The following BCKDHB variants were observed in gnomAD, a reference collection of about 807,000 sequenced individuals.
BCKDHB encodes 2-oxoisovalerate dehydrogenase subunit beta, mitochondrial.
BCKDHB carries 41 observed loss-of-function variants against 48.5 expected under a neutral mutation model. The ratio of observed to expected loss-of-function variants is 0.85; its 90% CI spans 0.66 to 1.10. The LOEUF (loss-of-function observed/expected upper bound fraction) is 1.10. Ranked by LOEUF, BCKDHB falls within the 50% of genes least tolerant of loss-of-function variation. The probability of loss-of-function intolerance (pLI) is 0.00; values close to 1 mark genes in which losing one functional copy is unlikely to be tolerated. For synonymous variants in BCKDHB, 201 were observed against 174.8 expected (o/e 1.15, Z -1.18); for missense variants, 496 against 494.2 (o/e 1.00, Z -0.03).
chr6:80,264,284 A>G (rs968168156), intron 8 of BCKDHB, among the ~76,000 whole-genome samples: 1 of 152,202 alleles, frequency 6.6e-6, no homozygotes, highest in African/African-American at 2.4e-5. Flanking sequence ...TTGTTTTAAT[A>G]TGAACTGATG....
intron 9 of BCKDHB, among the ~76,000 whole-genome samples, chr6:80,289,316 C>T (rs1766792102): frequency 6.6e-6 from 1 of 151,886 alleles, no homozygotes; most frequent in Non-Finnish European, 1.5e-5. Context: ...TGAACTTCTC[C>T]CTTCTTTGAA....
chr6:80,198,934 G>A (rs1296885110), intron 6 of BCKDHB, among the ~76,000 whole-genome samples: 1 of 152,130 alleles, frequency 6.6e-6, no homozygotes, highest in African/African-American at 2.4e-5. Flanking sequence ...CCAAATAACT[G>A]GTTCTGCAAA....
the BCKDHB span, among the ~76,000 whole-genome samples, chr6:80,393,604 C>T: frequency 6.6e-6 from 1 of 152,184 alleles, no homozygotes; most frequent in Non-Finnish European, 1.5e-5. Context: ...TATAAGTTAT[C>T]CAGTCTAACT....
At chr6:80,227,329 A>AC (rs1470681496) in intron 8 of BCKDHB, among the ~76,000 whole-genome samples, 1 of 152,096 alleles carries the variant, frequency 6.6e-6, no homozygotes, top group Non-Finnish European at 1.5e-5. Context: ...TAGTCACTTA[A>AC]ACCCTTAAAC....
intron 9 of BCKDHB, among the ~76,000 whole-genome samples, chr6:80,309,785 T>G (rs1768063375): frequency 6.6e-6 from 1 of 152,208 alleles, no homozygotes; most frequent in Non-Finnish European, 1.5e-5. Flanking sequence ...GGATTTGGTG[T>G]ACAGATTATT....
chr6:80,422,778 C>T, the BCKDHB span, among the ~76,000 whole-genome samples: 1 of 152,146 alleles, frequency 6.6e-6, no homozygotes, highest in South Asian at 2.1e-4. Context: ...GGAATGGGAA[C>T]ATTTACCCAA....
At chr6:80,235,319 T>C (rs573996317) in intron 8 of BCKDHB, among the ~76,000 whole-genome samples, 1 of 152,334 alleles carries the variant, frequency 6.6e-6, no homozygotes, top group South Asian at 2.1e-4. Context: ...CAAAAATAGC[T>C]ATTTCTTCTA....
At chr6:80,195,792 G>T (rs59552964) in intron 6 of BCKDHB, among the ~76,000 whole-genome samples, 1 of 152,022 alleles carries the variant, frequency 6.6e-6, no homozygotes, top group African/African-American at 2.4e-5. Flanking sequence ...GTAGATTTAC[G>T]CCCCTCCTAC....
chr6:80,111,989 T>G (rs1012238333), intron 1 of BCKDHB, among the ~76,000 whole-genome samples: 2 of 152,184 alleles, frequency 1.3e-5, no homozygotes, highest in African/African-American at 4.8e-5. Context: ...AAATTCACTC[T>G]AGGCACATGA....
the BCKDHB span, among the ~76,000 whole-genome samples, chr6:80,454,634 C>A: frequency 6.6e-6 from 1 of 152,140 alleles, no homozygotes; most frequent in Non-Finnish European, 1.5e-5. Flanking sequence ...CTGGATAGAG[C>A]TGAGTATTGT....
chr6:80,199,661 C>G (rs1774292147), intron 6 of BCKDHB, among the ~76,000 whole-genome samples: 1 of 150,346 alleles, frequency 6.7e-6, no homozygotes, highest in Non-Finnish European at 1.5e-5. Context: ...CCTGTAATCC[C>G]AGCTACTTGA....
the BCKDHB span, among the ~76,000 whole-genome samples, chr6:80,379,521 A>C: frequency 6.6e-6 from 1 of 152,016 alleles, no homozygotes; most frequent in African/African-American, 2.4e-5. Context: ...AAAGCATTTC[A>C]CTTCAGGTCT....
At chr6:80,248,291 A>G (rs1466028401) in intron 8 of BCKDHB, among the ~76,000 whole-genome samples, 2 of 151,892 alleles carry the variant, frequency 1.3e-5, no homozygotes, top group Admixed American at 6.6e-5. Flanking sequence ...TTCTTTTTGG[A>G]TCTGTGATTG....
intron 6 of BCKDHB, among the ~76,000 whole-genome samples, chr6:80,199,267 T>A (rs1774272421): frequency 6.6e-6 from 1 of 151,930 alleles, no homozygotes; most frequent in Admixed American, 6.6e-5. Flanking sequence ...GTGAGAGCCG[T>A]CCACAGCAGA....
intron 9 of BCKDHB, among the ~76,000 whole-genome samples, chr6:80,278,253 G>A (rs1461490789): frequency 6.6e-6 from 1 of 152,146 alleles, no homozygotes; most frequent in African/African-American, 2.4e-5. Context: ...GTATACTTCT[G>A]TACTAAAAGA....
At chr6:80,222,332 A>T (rs1775494682) in intron 8 of BCKDHB, among the ~76,000 whole-genome samples, 1 of 152,244 alleles carries the variant, frequency 6.6e-6, no homozygotes, top group Non-Finnish European at 1.5e-5. Flanking sequence ...AAGTCAGTTA[A>T]AAACAAGTCA....
At chr6:80,341,450 A>G (rs1769900994) in intron 9 of BCKDHB, among the ~76,000 whole-genome samples, 1 of 152,196 alleles carries the variant, frequency 6.6e-6, no homozygotes, top group Non-Finnish European at 1.5e-5. Flanking sequence ...TCAAAGGGTA[A>G]CCACTGTTTA....
chr6:80,169,585 A>G (rs1772789014), intron 5 of BCKDHB, among the ~76,000 whole-genome samples: 1 of 152,154 alleles, frequency 6.6e-6, no homozygotes, highest in Non-Finnish European at 1.5e-5. Flanking sequence ...TGTCTTTCAC[A>G]AAAGCTTAGG....
intron 9 of BCKDHB, among the ~76,000 whole-genome samples, chr6:80,292,937 C>T (rs557915087): frequency 6.6e-6 from 1 of 152,324 alleles, no homozygotes; most frequent in East Asian, 1.9e-4. Context: ...GACTCCATGT[C>T]TCACATCCAG....
Sources: allele counts gnomAD v4.1 joint callset (sites outside exome capture counted in the v4.1 genomes callset), GRCh38; gene constraint gnomAD v4.1.1; transcripts MANE v1.5; gene names NCBI Gene and HGNC (gene_info 2026-07-23, HGNC 2026-07-21).